The following ZNF407 variants were observed in gnomAD, a reference collection of about 807,000 sequenced individuals.
ZNF407 encodes the protein zinc finger protein 407.
Under a neutral mutation model 131.2 loss-of-function variants are expected in ZNF407, and 17 were observed. That is an observed-to-expected ratio of 0.13 (90% CI 0.09 to 0.19). ZNF407 has a LOEUF of 0.19. ZNF407 is among the 10% of genes least tolerant of loss of function. The pLI is 1.00. For missense variants in ZNF407, 2,681 were observed against 2,830.6 expected (o/e 0.95, Z 1.20); for synonymous variants, 1,156 against 1,062.0 (o/e 1.09, Z -1.72).
intron 8 of ZNF407, chr18:75,062,527 A>C (rs948928808): frequency 6.8e-6 from 1 of 147,836 alleles, no homozygotes; most frequent in Admixed American, 6.7e-5. Context: ...GCATGCTGCC[A>C]GGACACGGCG....
At chr18:74,905,052 A>T (rs1420724673) in intron 7 of ZNF407, among the ~76,000 whole-genome samples, 1 of 152,216 alleles carries the variant, frequency 6.6e-6, no homozygotes, top group Non-Finnish European at 1.5e-5. Flanking sequence ...AGTACAGCAC[A>T]GCTTTTTGTT....
intron 8 of ZNF407, among the ~76,000 whole-genome samples, chr18:74,958,012 C>G (rs1294268969): frequency 1.3e-5 from 2 of 152,168 alleles, no homozygotes; most frequent in African/African-American, 4.8e-5. Flanking sequence ...TTGAAGCCTT[C>G]TAGGAACTGC....
intron 4 of ZNF407, among the ~76,000 whole-genome samples, chr18:74,854,098 G>A (rs1568242229): frequency 6.6e-6 from 1 of 152,162 alleles, no homozygotes; most frequent in Non-Finnish European, 1.5e-5. Context: ...GCTTTACAGG[G>A]TCAGCGTGAG....
At chr18:74,989,662 C>G (rs1972695061) in intron 8 of ZNF407, among the ~76,000 whole-genome samples, 1 of 151,848 alleles carries the variant, frequency 6.6e-6, no homozygotes, top group Non-Finnish European at 1.5e-5. Flanking sequence ...GCCAACATGG[C>G]GAGACCCCAT....
intron 3 of ZNF407, among the ~76,000 whole-genome samples, chr18:74,709,439 A>T (rs549121571): frequency 6.6e-6 from 1 of 152,332 alleles, no homozygotes; most frequent in African/African-American, 2.4e-5. Flanking sequence ...GTAATATCTG[A>T]TTACTTTGAC....
chr18:74,639,376 C>G lies in ZNF407; in HGVS notation c.4688-1632C>G, dbSNP rs571246458. Among the ~76,000 whole-genome samples, 49 of 152,280 alleles carry G rather than the reference C, an allele frequency of 3.2e-4. No individual in the cohort carries two copies. The South Asian group carries it at 5.6e-3, about 17-fold the overall frequency. On this transcript the variant is annotated intron_variant, in intron 2 of 8. Coordinates refer to ENST00000299687, the MANE Select transcript of ZNF407 (RefSeq NM_017757.3). Reference sequence around the variant, plus strand: ...GTTACTTAATAATGTCCTAATTACCCTATTATCTTTGGAGCATTGAAATTT... The same window carrying G: ...GTTACTTAATAATGTCCTAATTACCGTATTATCTTTGGAGCATTGAAATTT...
chr18:74,672,006 G>A lies in ZNF407; in HGVS notation c.4802+30884G>A, dbSNP rs564042990. On this transcript the variant is annotated intron_variant, in intron 3 of 8. Transcript: ENST00000299687. ...TTCCATGTCTTTGTTATTGTGAATG[G>A]TGCTGCAGTGAACATTTGTGGGCAT... 2.6e-5 allele frequency among the ~76,000 whole-genome samples: 4 copies of A among 152,280 alleles called. No homozygotes were observed. The South Asian group carries it at 8.3e-4, about 32-fold the overall frequency.
At chr18:74,842,456 T>C in intron 4 of ZNF407, among the ~76,000 whole-genome samples, 1 of 152,234 alleles carries the variant, frequency 6.6e-6, no homozygotes, top group East Asian at 1.9e-4. Context: ...TAATGATTTA[T>C]GACACTTAAT....
chr18:74,948,287 T>G lies in ZNF407; in HGVS notation c.5428+27595T>G, dbSNP rs374628267. 1.8e-3 allele frequency among the ~76,000 whole-genome samples: 279 copies of G among 152,336 alleles called. 4 individuals are homozygous for G. The highest frequency in any genetic ancestry group is 6.3e-3 in the African/African-American group (261 of 41,578). On this transcript the variant is annotated intron_variant, in intron 8 of 8. Coordinates refer to ENST00000299687, the MANE Select transcript of ZNF407 (RefSeq NM_017757.3). The stretch of plus-strand genomic sequence containing the variant: ...GTGCCATGGGAGTATCATATCTTAC[T>G]GTTATTTATTGTAACCTGCTGCTCG...
chr18:74,800,201 A>T (rs1334626524), intron 4 of ZNF407, among the ~76,000 whole-genome samples: 1 of 152,088 alleles, frequency 6.6e-6, no homozygotes, highest in African/African-American at 2.4e-5. Flanking sequence ...AGATAGACTT[A>T]CTTAAATTTC....
At chr18:74,843,575 G>C (rs1970662866) in intron 4 of ZNF407, among the ~76,000 whole-genome samples, 1 of 152,174 alleles carries the variant, frequency 6.6e-6, no homozygotes, top group Admixed American at 6.5e-5. Flanking sequence ...CTATGCATGG[G>C]ACTAGCAAAT....
intron 8 of ZNF407, among the ~76,000 whole-genome samples, chr18:74,993,900 G>A (rs535786904): frequency 9.2e-5 from 14 of 152,306 alleles, no homozygotes; most frequent in African/African-American, 3.1e-4. Context: ...TGACTGGCGT[G>A]TATTTTAATA....
At chr18:75,047,371 G>A (rs907083473) in intron 8 of ZNF407, among the ~76,000 whole-genome samples, 1 of 152,194 alleles carries the variant, frequency 6.6e-6, no homozygotes, top group African/African-American at 2.4e-5. Context: ...GCTGCCGTAC[G>A]AGTGAGGGAG....
At chr18:74,676,489 T>G (rs367631318) in intron 3 of ZNF407, among the ~76,000 whole-genome samples, 75 of 148,440 alleles carry the variant, frequency 5.1e-4, no homozygotes, top group African/African-American at 1.7e-3. Flanking sequence ...CAGGCTGGAG[T>G]GCAGTGGCGG....
In ZNF407 at chr18:74,676,685, T is replaced by TCTC. The variant is rs1568161671; in HGVS notation, c.4802+35563_4802+35564insCTC. On this transcript the variant is annotated intron_variant, in intron 3 of 8. Transcript: ENST00000299687. ...TCCTGACCTCGTGATCTGCCCGCCT[T>TCTC]GGCCTCCCAGAATGCTGGGATTACA... is the stretch of plus-strand genomic sequence containing the variant. Among the ~76,000 whole-genome samples the TCTC allele has an allele frequency of 6.9e-3, 1,051 of 152,070 alleles. 13 individuals are homozygous for TCTC. The highest frequency in any genetic ancestry group is 0.024 in the African/African-American group (1,015 of 41,474).
intron 1 of ZNF407, among the ~76,000 whole-genome samples, chr18:74,608,387 C>T (rs1982903022): frequency 6.7e-6 from 1 of 149,004 alleles, no homozygotes. Flanking sequence ...CTTGCTCTGT[C>T]ACTCAGGCTG....
rs533598264 is a variant in ZNF407 at position 74,826,622 on chromosome 18, G to A, written c.4877+45120G>A. ...GTCAGTAATTTTAATATTTTCCTCC[G>A]AAGCCAAACAGAGAATTCCTGCATC... On this transcript the variant is annotated intron_variant, in intron 4 of 8. Coordinates refer to ENST00000299687, the MANE Select transcript of ZNF407 (RefSeq NM_017757.3). 6.2e-4 allele frequency among the ~76,000 whole-genome samples: 94 copies of A among 152,156 alleles called. 1 individual carries two copies. Among genetic ancestry groups the A allele is most frequent in the East Asian group, 2.3e-3 (12 of 5,176 alleles).
chr18:75,063,134 T>G lies in ZNF407; in HGVS notation c.5429-16T>G, dbSNP rs776836488. 1 of 1,544,098 alleles carries G rather than the reference T, an allele frequency of 6.5e-7. No homozygotes were observed. Among genetic ancestry groups the G allele is most frequent in the African/African-American group, 1.4e-5 (1 of 72,404 alleles). Reference sequence around the variant, plus strand: ...AGTACTTTTTCCAGGCTCTAACTGGTCCCTGTCTCCCTTAGGCATTGTTTC... The same window carrying G: ...AGTACTTTTTCCAGGCTCTAACTGGGCCCTGTCTCCCTTAGGCATTGTTTC... On this transcript the variant is annotated splice_polypyrimidine_tract_variant and intron_variant, in intron 8 of 8. Coordinates refer to ENST00000299687, the MANE Select transcript of ZNF407 (RefSeq NM_017757.3). The surrounding 1 kb of genome is among the most constrained non-coding windows in gnomAD (Gnocchi z 6.6).
chr18:74,822,478 C>A (rs1970354214), intron 4 of ZNF407, among the ~76,000 whole-genome samples: 1 of 152,162 alleles, frequency 6.6e-6, no homozygotes. Flanking sequence ...TAGTTTTCTG[C>A]ATATGGCTAG....
Sources: allele counts gnomAD v4.1 joint callset (sites outside exome capture counted in the v4.1 genomes callset), GRCh38; gene constraint gnomAD v4.1.1; non-coding constraint Gnocchi (gnomAD v3.1); transcripts MANE v1.5; gene names NCBI Gene and HGNC (gene_info 2026-07-23, HGNC 2026-07-21).